The following FGF12 variants were observed in gnomAD, a reference collection of about 807,000 sequenced individuals.
The protein encoded by FGF12 is fibroblast growth factor 12B.
Under a neutral mutation model 23.6 loss-of-function variants are expected in FGF12, and 14 were observed. The observed-to-expected ratio is 0.59, with a 90% CI of 0.39 to 0.93. FGF12 has a LOEUF of 0.93. Among genes scored for constraint, FGF12 ranks in the 40% least tolerant of loss-of-function variants. The pLI is 0.00. For synonymous variants in FGF12, 62 were observed against 77.3 expected (o/e 0.80, Z 1.04); for missense variants, 175 against 217.8 (o/e 0.80, Z 1.24).
chr3:192,380,365 A>G (rs938291070), intron 2 of FGF12, among the ~76,000 whole-genome samples: 9 of 152,168 alleles, frequency 5.9e-5, no homozygotes, highest in African/African-American at 2.2e-4. Context: ...AACATTTTCT[A>G]TCTCATTGGA....
chr3:192,695,194 T>C (rs1294184138), intron 2 of FGF12, among the ~76,000 whole-genome samples: 1 of 152,148 alleles, frequency 6.6e-6, no homozygotes. Flanking sequence ...AGATTACAAG[T>C]CATATTCAAC....
chr3:192,265,356 G>A (rs1006433184), intron 4 of FGF12: 2 of 152,242 alleles, frequency 1.3e-5, no homozygotes, highest in South Asian at 4.1e-4. Flanking sequence ...GTGCTATTCA[G>A]ATGGACTAAA....
intron 4 of FGF12, among the ~76,000 whole-genome samples, chr3:192,312,782 T>C (rs562426398): frequency 4.6e-5 from 7 of 151,954 alleles, no homozygotes; most frequent in South Asian, 2.1e-4. Flanking sequence ...ACACAAAATA[T>C]TTAATGTTTC....
Position 192,528,872 on chromosome 3 carries a change from A to G in FGF12, c.14-168334T>C, listed in dbSNP as rs542725565. Among the ~76,000 whole-genome samples, 6 of 152,242 alleles carry G rather than the reference A, an allele frequency of 3.9e-5. No individual in the cohort carries two copies. In the South Asian group the frequency reaches 1.2e-3, roughly 32 times the overall value. On this transcript the variant is annotated intron_variant, in intron 2 of 5. Coordinates refer to ENST00000445105, the MANE Select transcript of FGF12 (RefSeq NM_004113.6). The stretch of plus-strand genomic sequence containing the variant: ...AGCTGGAGCAGCTGGGACACAGGGC[A>G]CCAAGTTCCTAGGCTGCACATAGCA...
At chr3:192,333,615 A>G (rs1258232378) in intron 4 of FGF12, among the ~76,000 whole-genome samples, 1 of 152,124 alleles carries the variant, frequency 6.6e-6, no homozygotes, top group African/African-American at 2.4e-5. Context: ...AATATAGTGT[A>G]TATTTTGATC....
chr3:192,484,315 T>TAA (rs57914760), intron 2 of FGF12, among the ~76,000 whole-genome samples: 119 of 99,642 alleles, frequency 1.2e-3, no homozygotes, highest in African/African-American at 2.2e-3. Flanking sequence ...TCCATTTTCC[T>TAA]AAAAAAAAAA....
At chr3:192,400,056 T>TG (rs1720693051) in intron 2 of FGF12, among the ~76,000 whole-genome samples, 1 of 152,204 alleles carries the variant, frequency 6.6e-6, no homozygotes, top group Non-Finnish European at 1.5e-5. Flanking sequence ...TTCTTGAATA[T>TG]TTCCATCCAT....
At chr3:192,618,516 A>G (rs1433205860) in intron 2 of FGF12, among the ~76,000 whole-genome samples, 1 of 152,166 alleles carries the variant, frequency 6.6e-6, no homozygotes, top group Non-Finnish European at 1.5e-5. Flanking sequence ...AGATGAGAAG[A>G]GTTAGTTAAT....
chr3:192,507,254 G>A (rs1724338100), intron 2 of FGF12, among the ~76,000 whole-genome samples: 1 of 151,644 alleles, frequency 6.6e-6, no homozygotes, highest in African/African-American at 2.4e-5. Flanking sequence ...TGAGAGGGGG[G>A]TCCAGTCAGT....
intron 2 of FGF12, among the ~76,000 whole-genome samples, chr3:192,708,746 C>T (rs1718570727): frequency 6.6e-6 from 1 of 152,060 alleles, no homozygotes; most frequent in Non-Finnish European, 1.5e-5. Context: ...GGACTTCTTA[C>T]CAGAAGAGGA....
intron 2 of FGF12, among the ~76,000 whole-genome samples, chr3:192,451,258 TC>T (rs1722511742): frequency 6.6e-6 from 1 of 152,218 alleles, no homozygotes; most frequent in South Asian, 2.1e-4. Context: ...TAAAGAATGA[TC>T]AGGAGTAGAA....
intron 4 of FGF12, among the ~76,000 whole-genome samples, chr3:192,179,922 C>T (rs1716076834): frequency 6.6e-6 from 1 of 152,080 alleles, no homozygotes; most frequent in African/African-American, 2.4e-5. Flanking sequence ...TCTCCTTACT[C>T]CTGGTTACAA....
intron 4 of FGF12, among the ~76,000 whole-genome samples, chr3:192,254,870 A>G (rs1427545602): frequency 1.2e-4 from 18 of 152,114 alleles, no homozygotes; most frequent in Admixed American, 1.2e-3. Context: ...TATAATGAAC[A>G]CATATAAAAC....
intron 2 of FGF12, chr3:192,726,890 ACCT>A (rs201014905): frequency 3.3e-4 from 166 of 496,168 alleles, no homozygotes; most frequent in South Asian, 6.4e-4. Flanking sequence ...ACTAACACAT[ACCT>A]CCTCCTCCTC....
At chr3:192,541,625 T>C (rs1421939727) in intron 2 of FGF12, among the ~76,000 whole-genome samples, 1 of 152,182 alleles carries the variant, frequency 6.6e-6, no homozygotes, top group Non-Finnish European at 1.5e-5. Context: ...CAGTGAGTTT[T>C]GCACCTTCAG....
intron 4 of FGF12, among the ~76,000 whole-genome samples, chr3:192,294,895 T>A (rs1050152719): frequency 1.3e-5 from 2 of 152,140 alleles, no homozygotes; most frequent in African/African-American, 4.8e-5. Context: ...AACTAAGAAG[T>A]CATCAAGAGG....
At chr3:192,590,833 C>T (rs1489694360) in intron 2 of FGF12, among the ~76,000 whole-genome samples, 1 of 151,812 alleles carries the variant, frequency 6.6e-6, no homozygotes, top group Non-Finnish European at 1.5e-5. Context: ...AAGTTTCTGT[C>T]CCAATAAAAC....
chr3:192,675,057 C>A (rs1717275325), intron 2 of FGF12, among the ~76,000 whole-genome samples: 1 of 152,054 alleles, frequency 6.6e-6, no homozygotes, highest in African/African-American at 2.4e-5. Flanking sequence ...TCTTTAGGTG[C>A]AGAAAGAAAA....
chr3:192,592,418 T>C (rs1713664647), intron 2 of FGF12, among the ~76,000 whole-genome samples: 2 of 151,830 alleles, frequency 1.3e-5, no homozygotes, highest in Admixed American at 1.3e-4. Context: ...GGTAAAGTGG[T>C]ATTTGCAAAC....
Sources: gnomAD v4.1 joint callset for allele counts (sites outside exome capture counted in the v4.1 genomes callset) on GRCh38, gnomAD v4.1.1 for gene constraint, MANE v1.5 for transcripts, NCBI Gene and HGNC (gene_info 2026-07-23, HGNC 2026-07-21) for gene names.